TUBA1C: variants seen among roughly 807,000 people sequenced by gnomAD.
The protein encoded by TUBA1C is tubulin alpha 1c, also known as tubulin alpha-1C chain.
TUBA1C carries 16 observed loss-of-function variants against 34.9 expected under a neutral mutation model. The ratio of observed to expected loss-of-function variants is 0.46; its 90% CI spans 0.31 to 0.70. The LOEUF is 0.70. Ranked by LOEUF, TUBA1C falls within the 30% of genes least tolerant of loss-of-function variation. The pLI is 0.05. For synonymous variants in TUBA1C, 177 were observed against 215.9 expected, an observed-to-expected ratio of 0.82 and a Z score of 1.58; for missense variants, 329 against 587.3, an observed-to-expected ratio of 0.56 and a Z score of 4.55.
chr12:49,271,525 T>A (rs1275236869), intron 3 of TUBA1C, among the ~76,000 whole-genome samples: 1 of 152,184 alleles, frequency 6.6e-6, no homozygotes, highest in Admixed American at 6.5e-5. Context: ...AGTACTTACT[T>A]AATTCTCAAC....
upstream of TUBA1C, chr12:49,264,813 TCC>T (rs1942879385): frequency 6.5e-5 from 6 of 92,666 alleles, no homozygotes; most frequent in Admixed American, 3.1e-4. Flanking sequence ...CTCCCCTTCC[TCC>T]CCTTCCTCCC....
At chr12:49,246,585 G>A (rs1942671168) in intron 1 of TUBA1C, among the ~76,000 whole-genome samples, 1 of 151,918 alleles carries the variant, frequency 6.6e-6, no homozygotes, top group Non-Finnish European at 1.5e-5. Context: ...TGAGGCAGGA[G>A]AATGGCATGA....
In TUBA1C at chr12:49,272,859, G is replaced by A; in HGVS notation, c.982G>A (p.Val328Ile). Reference sequence around the variant, plus strand: ...CCGTGGTGACGTGGTTCCCAAAGATGTCAATGCTGCCATTGCCACCATCAA... The same window carrying A: ...CCGTGGTGACGTGGTTCCCAAAGATATCAATGCTGCCATTGCCACCATCAA... ...LYRGDVVPKD[V>I]NAAIATIKTK... The change falls in exon 4 of 4, where the codon GTC becomes ATC. Residue 328 changes from valine to isoleucine, a missense_variant. Around this residue, in one of 4 missense-constraint regions of TUBA1C, gnomAD observed 140 missense variants for 289.8 expected, o/e 0.48. Transcript: ENST00000301072. The A allele has an allele frequency of 6.2e-7, 1 of 1,614,184 alleles. No homozygotes were observed. The highest frequency in any genetic ancestry group is 8.5e-7 in the Non-Finnish European group (1 of 1,180,022).
At chr12:49,247,119 G>A (rs577166139) in intron 1 of TUBA1C, among the ~76,000 whole-genome samples, 6 of 125,204 alleles carry the variant, frequency 4.8e-5, no homozygotes, top group Non-Finnish European at 8.3e-5. Context: ...CACCCTAGGC[G>A]ATAGAGCAAG....
upstream of TUBA1C, chr12:49,264,593 G>T (rs935539760): frequency 6.6e-6 from 1 of 152,046 alleles, no homozygotes; most frequent in East Asian, 1.9e-4. Context: ...CGCGGGGACC[G>T]GGGGCGAGGC....
intron 1 of TUBA1C, among the ~76,000 whole-genome samples, chr12:49,238,796 TAAAC>T (rs1413029201): frequency 2.0e-5 from 3 of 151,922 alleles, no homozygotes; most frequent in Non-Finnish European, 2.9e-5. Context: ...AGGATGCAAA[TAAAC>T]AACCAGATAG....
chr12:49,255,405 AATATATATATAT>A (rs142218984), intron 1 of TUBA1C, among the ~76,000 whole-genome samples: 2 of 141,308 alleles, frequency 1.4e-5, no homozygotes, highest in Middle Eastern at 7.6e-3. Context: ...ATCTTTAAAA[AATATATATATAT>A]ATATATATAT....
chr12:49,237,858 C>T (rs556887471), intron 1 of TUBA1C, among the ~76,000 whole-genome samples: 2 of 151,866 alleles, frequency 1.3e-5, no homozygotes, highest in Admixed American at 1.3e-4. Context: ...CCTGTAATCC[C>T]GGCACTTTGG....
At chr12:49,237,407 A>G (rs528629766) in intron 1 of TUBA1C, among the ~76,000 whole-genome samples, 1 of 149,884 alleles carries the variant, frequency 6.7e-6, no homozygotes, top group African/African-American at 2.5e-5. Context: ...AATGAGTGAA[A>G]CTCCGTCTCA....
chr12:49,239,217 G>A (rs1942587404), intron 1 of TUBA1C, among the ~76,000 whole-genome samples: 1 of 152,122 alleles, frequency 6.6e-6, no homozygotes, highest in Non-Finnish European at 1.5e-5. Context: ...CAAGACTCAG[G>A]ACAAAAGGCC....
Position 49,259,034 on chromosome 12 carries a change from C to T in TUBA1C, c.214-10431C>T, listed in dbSNP as rs559059741. On this transcript the variant is annotated intron_variant, in intron 1 of 3. Coordinates refer to the TUBA1C transcript ENST00000541364. ...TCGGCCTCCCAAAGTGCTGGGATTA[C>T]AGGTGTGAGCCACCGCACCCGGCCA... 4.1e-4 allele frequency among the ~76,000 whole-genome samples: 62 copies of T among 152,052 alleles called. No individual in the cohort carries two copies. The South Asian group carries it at 0.011, about 28-fold the overall frequency.
chr12:49,263,603 C>G (rs1942862773), upstream of TUBA1C, among the ~76,000 whole-genome samples: 1 of 152,128 alleles, frequency 6.6e-6, no homozygotes, highest in African/African-American at 2.4e-5. Flanking sequence ...GCTGGACTTA[C>G]AGGCATGAGC....
intron 1 of TUBA1C, among the ~76,000 whole-genome samples, chr12:49,256,194 T>C (rs1342800247): frequency 6.6e-6 from 1 of 152,232 alleles, no homozygotes; most frequent in Non-Finnish European, 1.5e-5. Flanking sequence ...AAACCCCCAA[T>C]GCAACTGAGC....
At chr12:49,227,933 C>A in exon 1 of TUBA1C, 1 of 1,534,736 alleles carries the variant, frequency 6.5e-7, no homozygotes, top group South Asian at 1.2e-5. Context: ...AGAAAGTGAA[C>A]AATGGGCGCC....
Position 49,272,237 on chromosome 12 carries a change from CT to C in TUBA1C, c.376-10del. 6.3e-7 allele frequency: 1 copy of C among 1,579,628 alleles called. No homozygotes were observed. Among genetic ancestry groups the C allele is most frequent in the South Asian group, 1.2e-5 (1 of 85,862 alleles). ...AAACTTTCGCAACACTAAAATGAAA[CT>C]TTTTTATTTTGCAGGCTGACCAGTG... On this transcript the variant is annotated splice_polypyrimidine_tract_variant and intron_variant, in intron 3 of 3. Transcript: ENST00000301072.
At chr12:49,256,703 T>C (rs372016081) in intron 1 of TUBA1C, among the ~76,000 whole-genome samples, 3 of 152,136 alleles carry the variant, frequency 2.0e-5, no homozygotes, top group Non-Finnish European at 4.4e-5. Context: ...CAGCAAAGTG[T>C]TGTAAAAACA....
At chr12:49,242,073 T>A (rs1942623415) in intron 1 of TUBA1C, among the ~76,000 whole-genome samples, 1 of 150,956 alleles carries the variant, frequency 6.6e-6, no homozygotes, top group Non-Finnish European at 1.5e-5. Flanking sequence ...CACTGCAGCC[T>A]CCGCCTCCTG....
intron 1 of TUBA1C, among the ~76,000 whole-genome samples, chr12:49,231,076 T>A (rs1263057561): frequency 6.6e-6 from 1 of 152,246 alleles, no homozygotes; most frequent in Non-Finnish European, 1.5e-5. Flanking sequence ...CTATAAAGTA[T>A]CACTGTCTAG....
rs1329673086 is a variant in TUBA1C at position 49,272,622 on chromosome 12, A to G, written c.745A>G (p.Asn249Asp). The change falls in exon 4 of 4, where the codon AAT (asparagine) becomes GAT (aspartate). Residue 249 changes from asparagine (N) to aspartate (D), a missense_variant. Around this residue, in one of 4 missense-constraint regions of TUBA1C, gnomAD observed 140 missense variants for 289.8 expected, o/e 0.48. Transcript: ENST00000301072. ...TASLRFDGALNVDLTEFQTNL... is the reference protein window; with the variant it reads ...TASLRFDGALDVDLTEFQTNL... ...TTCCCTGAGATTTGATGGAGCCCTG[A>G]ATGTTGACCTGACAGAATTCCAGAC... The G allele has an allele frequency of 6.2e-7, 1 of 1,608,664 alleles. No individual in the cohort carries two copies. The highest frequency in any genetic ancestry group is 1.4e-5 in the African/African-American group (1 of 73,948).
Sources: allele counts gnomAD v4.1 joint callset (sites outside exome capture counted in the v4.1 genomes callset), GRCh38; gene constraint gnomAD v4.1.1; regional missense constraint gnomAD v4.1.1; transcripts MANE v1.5; gene names NCBI Gene and HGNC (gene_info 2026-07-23, HGNC 2026-07-21).